CALD1: variants seen among roughly 807,000 people sequenced by gnomAD.
CALD1 encodes caldesmon 1.
Under a neutral mutation model 99.9 loss-of-function variants are expected in CALD1, and 33 were observed. The observed-to-expected ratio is 0.33, with a 90% CI of 0.25 to 0.44. The LOEUF (loss-of-function observed/expected upper bound fraction) is 0.44, where lower values mean the gene tolerates loss of function less well. Among genes scored for constraint, CALD1 ranks in the 20% least tolerant of loss-of-function variants. CALD1 has a pLI of 1.00. For synonymous variants in CALD1, 310 were observed against 325.0 expected (o/e 0.95, Z 0.50); for missense variants, 861 against 962.1 (o/e 0.89, Z 1.39).
intron 3 of CALD1, among the ~76,000 whole-genome samples, chr7:134,924,664 T>A (rs1376394884): frequency 3.3e-5 from 5 of 152,192 alleles, no homozygotes; most frequent in Non-Finnish European, 5.9e-5. Flanking sequence ...TTGTAAATAA[T>A]TTTAATATGT....
intron 1 of CALD1, among the ~76,000 whole-genome samples, chr7:134,813,481 G>A (rs1291047404): frequency 1.3e-5 from 2 of 152,174 alleles, no homozygotes; most frequent in Non-Finnish European, 2.9e-5. Context: ...GAGCTAAGTA[G>A]GGTTGACCTT....
intron 3 of CALD1, among the ~76,000 whole-genome samples, chr7:134,911,696 A>G (rs916241957): frequency 6.6e-6 from 1 of 152,238 alleles, no homozygotes; most frequent in African/African-American, 2.4e-5. Flanking sequence ...ATTCAGGTAT[A>G]GGTTAGCCTC....
chr7:134,713,273 A>C, the CALD1 span, among the ~76,000 whole-genome samples: 8 of 152,260 alleles, frequency 5.3e-5, no homozygotes, highest in East Asian at 9.7e-4. Context: ...CTCTAATCCA[A>C]ATTTACCTGA....
At chr7:134,831,792 C>T (rs1316158452) in intron 1 of CALD1, among the ~76,000 whole-genome samples, 1 of 152,058 alleles carries the variant, frequency 6.6e-6, no homozygotes, top group African/African-American at 2.4e-5. Flanking sequence ...CTGTAGGGGT[C>T]CACAGCAACT....
intron 2 of CALD1, among the ~76,000 whole-genome samples, chr7:134,862,762 G>A (rs978751538): frequency 6.6e-6 from 1 of 152,190 alleles, no homozygotes; most frequent in African/African-American, 2.4e-5. Context: ...TTTGTCAATT[G>A]GAACAAATGT....
At chr7:134,827,241 A>G (rs1156795299) in intron 1 of CALD1, among the ~76,000 whole-genome samples, 8 of 152,162 alleles carry the variant, frequency 5.3e-5, no homozygotes, top group Non-Finnish European at 1.2e-4. Context: ...CCAGGCTGAA[A>G]TCTTAGGCAG....
chr7:134,826,941 C>T (rs529042049), intron 1 of CALD1, among the ~76,000 whole-genome samples: 70 of 152,250 alleles, frequency 4.6e-4, no homozygotes, highest in Admixed American at 1.6e-3. Context: ...ATTTAACAGA[C>T]TTTGATGAAT....
At chr7:134,823,980 T>C (rs539735998) in intron 1 of CALD1, among the ~76,000 whole-genome samples, 1 of 152,322 alleles carries the variant, frequency 6.6e-6, no homozygotes, top group South Asian at 2.1e-4. Flanking sequence ...TTCAGAACAT[T>C]ACCAGAAGGG....
intron 8 of CALD1, 59 bp from the exon 9 acceptor site, chr7:134,950,314 CT>C (rs1429256462): frequency 1.3e-6 from 2 of 1,573,470 alleles, no homozygotes; most frequent in African/African-American, 2.7e-5. Flanking sequence ...TCCTACAGCA[CT>C]CTTCCCTTTG....
chr7:134,776,369 G>A (rs1796918873), upstream of CALD1, among the ~76,000 whole-genome samples: 1 of 151,948 alleles, frequency 6.6e-6, no homozygotes. Flanking sequence ...TTCACCTATT[G>A]AGACGATCTT....
the CALD1 span, among the ~76,000 whole-genome samples, chr7:134,737,166 C>T: frequency 3.3e-5 from 5 of 152,172 alleles, no homozygotes; most frequent in East Asian, 9.6e-4. Flanking sequence ...GATCTGTCAT[C>T]CAGGCTGGAG....
rs574195442 is a variant in CALD1 at position 134,746,171 on chromosome 7, C to T, written c.-130+1808C>T. ...AATTCATATGTTGAAATCCTAACTCCAAGATGATAATATTAGAAGATGATG... is the reference window on the plus strand; with the variant it reads ...AATTCATATGTTGAAATCCTAACTCTAAGATGATAATATTAGAAGATGATG... On this transcript the variant is annotated intron_variant, in intron 1 of 13. Coordinates refer to the CALD1 transcript ENST00000417172. Among the ~76,000 whole-genome samples, 3 of 152,222 alleles carry T rather than the reference C, an allele frequency of 2.0e-5. No homozygotes were observed. The South Asian group carries it at 6.2e-4, about 32-fold the overall frequency.
At chr7:134,772,885 T>G (rs575314779) in intron 1 of CALD1, among the ~76,000 whole-genome samples, 3 of 152,234 alleles carry the variant, frequency 2.0e-5, no homozygotes, top group African/African-American at 7.2e-5. Context: ...GTCCTGGGAT[T>G]TTCTTTTACC....
At chr7:134,929,646 GTATATATATATA>G (rs1159515485) in intron 4 of CALD1, among the ~76,000 whole-genome samples, 1 of 7,912 alleles carries the variant, frequency 1.3e-4, no homozygotes, top group African/African-American at 3.1e-4. Context: ...GTGTGTGTGT[GTATATATATATA>G]TATATATATA....
intron 1 of CALD1, among the ~76,000 whole-genome samples, chr7:134,788,658 T>G (rs1008159973): frequency 9.2e-5 from 14 of 152,192 alleles, no homozygotes; most frequent in Non-Finnish European, 2.1e-4. Context: ...GTGCTGTGAT[T>G]TGAACCTAAA....
At chr7:134,750,386 AC>A (rs1796675451) in intron 1 of CALD1, among the ~76,000 whole-genome samples, 1 of 152,166 alleles carries the variant, frequency 6.6e-6, no homozygotes, top group African/African-American at 2.4e-5. Flanking sequence ...CGAGGTCACA[AC>A]TTTATAAGTG....
Position 134,858,916 on chromosome 7 carries a change from G to C in CALD1, c.-41-8777G>C, listed in dbSNP as rs147870944. 1.4e-3 allele frequency among the ~76,000 whole-genome samples: 215 copies of C among 152,288 alleles called. 2 individuals are homozygous for C. The highest frequency in any genetic ancestry group is 4.9e-3 in the African/African-American group (204 of 41,558). On this transcript the variant is annotated intron_variant, in intron 2 of 14. Coordinates refer to ENST00000361675, the MANE Select transcript of CALD1 (RefSeq NM_033138.4). ...GAGCTGTCCAGTAGAACTTTCTGCAGTGATGAAAACATTCTCTGCACCGTC... is the reference window on the plus strand; with the variant it reads ...GAGCTGTCCAGTAGAACTTTCTGCACTGATGAAAACATTCTCTGCACCGTC...
At chr7:134,891,661 C>A (rs922368355) in intron 3 of CALD1, 151 of 1,606,600 alleles carry the variant, frequency 9.4e-5, no homozygotes, top group Non-Finnish European at 1.2e-4. Flanking sequence ...CGCAGCCTGG[C>A]CGCGCTCTCC....
At chr7:134,923,593 T>C (rs745804301) in intron 3 of CALD1, among the ~76,000 whole-genome samples, 4 of 152,246 alleles carry the variant, frequency 2.6e-5, no homozygotes, top group Non-Finnish European at 5.9e-5. Context: ...TGGTTAGGTA[T>C]GATTTTTACT....
Sources: allele counts gnomAD v4.1 joint callset (sites outside exome capture counted in the v4.1 genomes callset), GRCh38; gene constraint gnomAD v4.1.1; transcripts MANE v1.5; gene names NCBI Gene and HGNC (gene_info 2026-07-23, HGNC 2026-07-21).